FOCAD: variants seen among roughly 807,000 people sequenced by gnomAD.
FOCAD encodes focadhesin, also known as KIAA1797.
A neutral mutation model predicts 225.6 loss-of-function variants in FOCAD; 198 were observed. That is an observed-to-expected ratio of 0.88 (90% CI 0.78 to 0.99). The LOEUF (loss-of-function observed/expected upper bound fraction) is 0.99. Among genes scored for constraint, FOCAD ranks in the 50% least tolerant of loss-of-function variants. The pLI, the probability that FOCAD is intolerant of heterozygous loss-of-function variation, is 0.00. For synonymous variants in FOCAD, 897 were observed against 755.0 expected (o/e 1.19, Z -3.08); for missense variants, 2,713 against 2,123.6 (o/e 1.28, Z -5.46).
intron 25 of FOCAD, 71 bp from the exon 26 acceptor site, chr9:20,926,230 C>A: frequency 1.1e-6 from 1 of 936,366 alleles, no homozygotes. Flanking sequence ...AAGGGAGTTA[C>A]ACCTTAGATT....
At chr9:20,691,666 A>G (rs959525920) in intron 1 of FOCAD, among the ~76,000 whole-genome samples, 1 of 150,442 alleles carries the variant, frequency 6.6e-6, no homozygotes, top group Non-Finnish European at 1.5e-5. Flanking sequence ...TATTTTTAGT[A>G]GAGACGGGTT....
intron 15 of FOCAD, among the ~76,000 whole-genome samples, chr9:20,830,748 G>A (rs1825399149): frequency 6.6e-6 from 1 of 152,016 alleles, no homozygotes; most frequent in Admixed American, 6.6e-5. Context: ...TGTGGTCATG[G>A]TCCACAGCAG....
At chr9:20,913,145 TACACACAC>T (rs56856864) in intron 23 of FOCAD, among the ~76,000 whole-genome samples, 191 bp downstream of exon 23, 3,145 of 137,316 alleles carry the variant, frequency 0.023, 104 homozygotes, top group African/African-American at 0.075. Flanking sequence ...AAATTATACA[TACACACAC>T]ACACACACAC....
chr9:20,741,901 A>G (rs999314123), intron 5 of FOCAD, among the ~76,000 whole-genome samples: 2 of 152,092 alleles, frequency 1.3e-5, no homozygotes, highest in African/African-American at 4.8e-5. Context: ...AGATGGGCTT[A>G]TTTATTTCTA....
At chr9:20,898,206 A>G (rs551387596) in intron 21 of FOCAD, among the ~76,000 whole-genome samples, 1 of 151,914 alleles carries the variant, frequency 6.6e-6, no homozygotes, top group African/African-American at 2.4e-5. Context: ...ATATACAAAT[A>G]CCTATAGGTT....
In FOCAD at chr9:20,778,616, A is replaced by G. The variant is rs965029159; in HGVS notation, c.907-65A>G. On this transcript the variant is annotated intron_variant, in intron 8 of 43. Transcript: ENST00000338382. ...TATTAAATATATTCTTCCTGGATAC[A>G]TGTTACAAAGCCATGATTCTGGGAA... The G allele has an allele frequency of 4.9e-6, 4 of 811,262 alleles. No homozygotes were observed. In the African/African-American group the frequency reaches 5.1e-5, roughly 10 times the overall value. The allele number at this position is 811,262 out of a possible 1,614,324, so 50.3% of individuals were successfully genotyped here. A position where few individuals can be genotyped will look rare whatever the true frequency, so the allele number is the denominator to read the frequency against.
At chr9:20,757,669 A>G (rs1370161476) in intron 5 of FOCAD, among the ~76,000 whole-genome samples, 1 of 152,136 alleles carries the variant, frequency 6.6e-6, no homozygotes, top group Admixed American at 6.6e-5. Context: ...GGTTCGGGTA[A>G]GGTTGGAGGA....
intron 2 of FOCAD, among the ~76,000 whole-genome samples, chr9:20,662,631 T>G (rs1050815063): frequency 1.3e-5 from 2 of 149,046 alleles, no homozygotes; most frequent in African/African-American, 4.9e-5. Context: ...TATTTTTAAA[T>G]TTTTTTTTTT....
intron 24 of FOCAD, among the ~76,000 whole-genome samples, chr9:20,922,112 T>C (rs1037094470): frequency 6.6e-6 from 1 of 152,232 alleles, no homozygotes; most frequent in Admixed American, 6.5e-5. Flanking sequence ...TAAATGATTT[T>C]ATGGCTAGGG....
At chr9:20,911,841 C>T in intron 22 of FOCAD, among the ~76,000 whole-genome samples, 1 of 152,060 alleles carries the variant, frequency 6.6e-6, no homozygotes, top group East Asian at 1.9e-4. Flanking sequence ...CTTCTATACA[C>T]TATATCTTAG....
At chr9:20,932,349 C>T (rs1184254583) in intron 27 of FOCAD, among the ~76,000 whole-genome samples, 2 of 152,126 alleles carry the variant, frequency 1.3e-5, no homozygotes, top group African/African-American at 2.4e-5. Context: ...AGAGTTAAGA[C>T]GTAGGAACCT....
rs759351352 is a variant in FOCAD at position 20,929,531 on chromosome 9, C to A, written c.3252C>A (p.Ala1084=). Residue 1084 remains alanine, a synonymous_variant, in exon 27 of 44, where the codon GCC becomes GCA. Coordinates refer to ENST00000338382, the MANE Select transcript of FOCAD (RefSeq NM_001375567.1). ...PGKPSADESQ[A]VQIHMGLALG... is the part of the protein sequence containing the mutation. The stretch of plus-strand genomic sequence containing the variant: ...AACCAAGTGCTGATGAGTCTCAAGC[C>A]GTGCAAATCCACATGGGCCTTGCTT... 5 of 1,613,992 alleles carry A rather than the reference C, an allele frequency of 3.1e-6. No homozygotes were observed. Among genetic ancestry groups the A allele is most frequent in the Non-Finnish European group, 3.4e-6 (4 of 1,180,016 alleles).
At chr9:20,866,888 CTTT>C (rs10629839) in intron 17 of FOCAD, 38 bp from the exon 18 acceptor site, 2,284 of 339,960 alleles carry the variant, frequency 6.7e-3, no homozygotes, top group East Asian at 0.01. Flanking sequence ...TGTTTGCTTG[CTTT>C]TTTTTTTTTT....
intron 1 of FOCAD, among the ~76,000 whole-genome samples, chr9:20,685,654 ACTTG>A (rs1038955157): frequency 1.2e-4 from 19 of 152,190 alleles, no homozygotes; most frequent in African/African-American, 4.6e-4. Context: ...AAGCATTTTC[ACTTG>A]CTTTTATAGA....
chr9:20,981,312 C>CT lies in FOCAD; in HGVS notation c.4378-114_4378-113insT, dbSNP rs1321023683. On this transcript the variant is annotated intron_variant, in intron 37 of 43. Transcript: ENST00000338382. ...GGAAAATGAAGGGGGAAGGAAGTAA[C>CT]CTGAACCTTTTATCTCTCAGTCTAC... The CT allele has an allele frequency of 2.4e-6, 3 of 1,232,384 alleles. No homozygotes were observed. The East Asian group carries it at 7.0e-5, about 29-fold the overall frequency. The allele number at this position is 1,232,384 out of a possible 1,614,324, so 76.3% of individuals were successfully genotyped here.
chr9:20,961,185 G>T (rs865981693), intron 35 of FOCAD, among the ~76,000 whole-genome samples: 17 of 147,788 alleles, frequency 1.2e-4, no homozygotes, highest in African/African-American at 3.8e-4. Context: ...CCTCCTCTCC[G>T]CTCCCCTCCT....
chr9:20,926,408 GT>G lies in FOCAD; in HGVS notation c.3073del (p.Tyr1025IlefsTer42). On this transcript the variant is annotated frameshift_variant, in exon 26 of 44. Transcript: ENST00000338382. LOFTEE classifies it high-confidence loss of function. ...YQPRGQLLSW[F>X]YYKSYSGENT... ...AACCCAGAGGGCAACTTCTCTCCTG[GT>G]TTTATTATGTAAGTGCAAAAAATAA... The G allele has an allele frequency of 6.3e-7, 1 of 1,587,600 alleles. No individual in the cohort carries two copies. The highest frequency in any genetic ancestry group is 8.6e-7 in the Non-Finnish European group (1 of 1,156,232).
chr9:20,850,376 C>T (rs1312300774), intron 15 of FOCAD, among the ~76,000 whole-genome samples: 1 of 151,350 alleles, frequency 6.6e-6, no homozygotes, highest in Non-Finnish European at 1.5e-5. Context: ...AATACACTGT[C>T]GAGGAAGAAA....
chr9:20,774,377 G>A (rs566952363), intron 8 of FOCAD, among the ~76,000 whole-genome samples: 6 of 152,270 alleles, frequency 3.9e-5, no homozygotes, highest in African/African-American at 7.2e-5. Flanking sequence ...TTGTTGGTAC[G>A]CAATGCCTAG....
Sources: allele counts gnomAD v4.1 joint callset (sites outside exome capture counted in the v4.1 genomes callset), GRCh38; gene constraint gnomAD v4.1.1; transcripts MANE v1.5; gene names NCBI Gene and HGNC (gene_info 2026-07-23, HGNC 2026-07-21).